TENM2: variants seen among roughly 807,000 people sequenced by gnomAD.
The protein encoded by TENM2 is teneurin transmembrane protein 2, also known as teneurin-2.
TENM2 carries 52 observed loss-of-function variants against 245.2 expected under a neutral mutation model. That is an observed-to-expected ratio of 0.21 (90% CI 0.17 to 0.27). TENM2 has a LOEUF of 0.27. Ranked by LOEUF, TENM2 falls within the 10% of genes least tolerant of loss-of-function variation. The pLI is 1.00. For missense variants in TENM2, 3,046 were observed against 3,666.8 expected, an observed-to-expected ratio of 0.83 and a Z score of 4.37; for synonymous variants, 1,363 against 1,438.9, an observed-to-expected ratio of 0.95 and a Z score of 1.19.
chr5:167,660,996 A>G (rs1755175285), intron 2 of TENM2, among the ~76,000 whole-genome samples: 1 of 152,226 alleles, frequency 6.6e-6, no homozygotes, highest in Admixed American at 6.5e-5. Flanking sequence ...TATATGAAAA[A>G]TAAAAGTATC....
chr5:167,530,069 A>T (rs191911130), intron 2 of TENM2, among the ~76,000 whole-genome samples: 38 of 152,340 alleles, frequency 2.5e-4, no homozygotes, highest in South Asian at 2.1e-3. Flanking sequence ...GTGCTGCTCA[A>T]AGTTAATCTG....
At chr5:167,725,852 CCTCTA>C (rs142785115) in intron 2 of TENM2, among the ~76,000 whole-genome samples, 2,071 of 152,270 alleles carry the variant, frequency 0.014, 38 homozygotes, top group African/African-American at 0.048. Flanking sequence ...AAATCCCCTT[CCTCTA>C]CTCTACTTTA....
chr5:167,307,358 A>G (rs1755739886), intron 1 of TENM2, among the ~76,000 whole-genome samples: 1 of 152,174 alleles, frequency 6.6e-6, no homozygotes, highest in South Asian at 2.1e-4. Flanking sequence ...TTATTCTATT[A>G]TACTGTCAGG....
chr5:167,275,672 T>C, the TENM2 span, among the ~76,000 whole-genome samples: 39 of 152,212 alleles, frequency 2.6e-4, no homozygotes, highest in Admixed American at 1.1e-3. Context: ...TGCTAGTGTA[T>C]TGAAATGCAA....
At chr5:167,041,213 G>A in the TENM2 span, among the ~76,000 whole-genome samples, 1 of 152,192 alleles carries the variant, frequency 6.6e-6, no homozygotes, top group Non-Finnish European at 1.5e-5. Flanking sequence ...GTACTACACA[G>A]TAATATGGAT....
intron 1 of TENM2, among the ~76,000 whole-genome samples, chr5:167,318,089 C>T (rs1407514220): frequency 6.6e-6 from 1 of 152,138 alleles, no homozygotes; most frequent in African/African-American, 2.4e-5. Flanking sequence ...CAGTAGGTTG[C>T]AGCAACACAG....
intron 5 of TENM2, among the ~76,000 whole-genome samples, chr5:168,000,875 T>C (rs1784371746): frequency 6.6e-6 from 1 of 152,016 alleles, no homozygotes; most frequent in African/African-American, 2.4e-5. Flanking sequence ...AACATGGTGG[T>C]ACCTGGCACA....
the TENM2 span, among the ~76,000 whole-genome samples, chr5:167,128,134 G>A: frequency 2.0e-5 from 3 of 152,136 alleles, no homozygotes; most frequent in African/African-American, 2.4e-5. Context: ...GAGCAAAAAC[G>A]CAGCGCTCTT....
rs971268147 is a variant in TENM2, at chr5:167,935,893, T to A, written c.713-16695T>A. On this transcript the variant is annotated intron_variant, in intron 3 of 28. Coordinates refer to ENST00000518659, the Ensembl canonical transcript of TENM2. ...TCGCATTAAACAAAACAGGTATGATTTTTTTTTTCGATTTCCCCAGCTCAT... is the reference window on the plus strand; with the variant it reads ...TCGCATTAAACAAAACAGGTATGATATTTTTTTTCGATTTCCCCAGCTCAT... 2.6e-5 allele frequency among the ~76,000 whole-genome samples: 4 copies of A among 152,052 alleles called. No homozygotes were observed. The South Asian group carries it at 6.3e-4, about 24-fold the overall frequency.
intron 2 of TENM2, among the ~76,000 whole-genome samples, chr5:167,411,251 T>G (rs534360790): frequency 1.3e-5 from 2 of 152,248 alleles, no homozygotes; most frequent in South Asian, 4.1e-4. Context: ...ACTTGACTTT[T>G]GCATGGGATA....
intron 1 of TENM2, among the ~76,000 whole-genome samples, chr5:167,342,157 A>G (rs538167492): frequency 3.9e-5 from 6 of 152,114 alleles, no homozygotes; most frequent in Admixed American, 1.3e-4. Context: ...GATTTCCTCA[A>G]TTTTTCTCTA....
At chr5:167,469,809 A>G (rs1173064762) in intron 2 of TENM2, among the ~76,000 whole-genome samples, 3 of 152,086 alleles carry the variant, frequency 2.0e-5, no homozygotes. Flanking sequence ...TAAATAATGG[A>G]GACAGCATGG....
At chr5:167,495,532 T>C (rs1768757304) in intron 2 of TENM2, among the ~76,000 whole-genome samples, 1 of 152,110 alleles carries the variant, frequency 6.6e-6, no homozygotes. Context: ...TAGCAGATTT[T>C]CTTCTGCAAA....
chr5:167,442,507 A>G (rs1222775438), intron 2 of TENM2, among the ~76,000 whole-genome samples: 1 of 152,060 alleles, frequency 6.6e-6, no homozygotes, highest in Admixed American at 6.6e-5. Context: ...AGCCTAGGAA[A>G]TGTCCATTTC....
intron 12 of TENM2, among the ~76,000 whole-genome samples, chr5:168,142,730 C>T (rs1240396617): frequency 1.3e-5 from 2 of 152,198 alleles, no homozygotes; most frequent in Non-Finnish European, 2.9e-5. Context: ...AAAATCCTGA[C>T]AATACTTCCC....
chr5:167,180,440 G>A, the TENM2 span, among the ~76,000 whole-genome samples: 2 of 151,964 alleles, frequency 1.3e-5, no homozygotes, highest in South Asian at 2.1e-4. Context: ...CATTCTTCCC[G>A]GAGAAAGAAA....
chr5:167,244,962 AC>A, the TENM2 span, among the ~76,000 whole-genome samples: 2 of 152,118 alleles, frequency 1.3e-5, no homozygotes, highest in African/African-American at 4.8e-5. Context: ...GAAAAAAAAA[AC>A]AAAATCAGAA....
intron 2 of TENM2, among the ~76,000 whole-genome samples, chr5:167,410,450 T>A (rs905836724): frequency 6.6e-6 from 1 of 152,042 alleles, no homozygotes; most frequent in Non-Finnish European, 1.5e-5. Context: ...TGCAGCATCT[T>A]TATCATATCT....
chr5:167,009,219 C>T, the TENM2 span, among the ~76,000 whole-genome samples: 1 of 152,270 alleles, frequency 6.6e-6, no homozygotes, highest in Non-Finnish European at 1.5e-5. Context: ...GCGTGACATA[C>T]ACCCCTACAC....
Sources: gnomAD v4.1 joint callset for allele counts (sites outside exome capture counted in the v4.1 genomes callset) on GRCh38, gnomAD v4.1.1 for gene constraint, MANE v1.5 for transcripts, NCBI Gene and HGNC (gene_info 2026-07-23, HGNC 2026-07-21) for gene names.